Variants in ATRIP observed in about 807,000 individuals in gnomAD.
ATRIP encodes ATR interacting protein.
A neutral mutation model predicts 78.1 loss-of-function variants in ATRIP; 44 were observed. That is an observed-to-expected ratio of 0.56 (90% CI 0.44 to 0.72). ATRIP has a LOEUF of 0.72. Ranked by LOEUF, ATRIP falls within the 30% of genes least tolerant of loss-of-function variation. The probability of loss-of-function intolerance (pLI) is 0.00; values close to 1 mark genes in which losing one functional copy is unlikely to be tolerated. For missense variants in ATRIP, 927 were observed against 980.2 expected (o/e 0.95, Z 0.72); for synonymous variants, 388 against 408.9 (o/e 0.95, Z 0.62).
In ATRIP at chr3:48,463,792, C is replaced by A; in HGVS notation, c.1793C>A (p.Thr598Lys). 1 of 1,614,202 alleles carries A rather than the reference C, an allele frequency of 6.2e-7. No individual in the cohort carries two copies. Among genetic ancestry groups the A allele is most frequent in the Non-Finnish European group, 8.5e-7 (1 of 1,180,034 alleles). ...QVLPKCLSPE[T>K]PLPSVLLAVE... Reference sequence around the variant, plus strand: ...CTGCCAAAGTGCCTCAGCCCAGAGACACCCCTGCCTAGCGTGCTGCTGGCT... The same window carrying A: ...CTGCCAAAGTGCCTCAGCCCAGAGAAACCCCTGCCTAGCGTGCTGCTGGCT... The change falls in exon 9 of 13, where the codon ACA (threonine) becomes AAA (lysine). Residue 598 changes from threonine (T) to lysine (K), a missense_variant. Thr to Lys is a moderately conservative substitution (Grantham distance 78, BLOSUM62 -1). Coordinates refer to ENST00000320211, the MANE Select transcript of ATRIP (RefSeq NM_130384.3).
At position 48,463,888 on chromosome 3, in the gene ATRIP, C is replaced by T. The variant is rs2040189494; in HGVS notation, c.1882+7C>T. The T allele has an allele frequency of 6.2e-7, 1 of 1,614,010 alleles. No homozygotes were observed. Among genetic ancestry groups the T allele is most frequent in the East Asian group, 2.2e-5 (1 of 44,874 alleles). On this transcript the variant is annotated splice_region_variant and intron_variant, in intron 9 of 12. Coordinates refer to ENST00000320211, the MANE Select transcript of ATRIP (RefSeq NM_130384.3). Reference sequence around the variant, plus strand: ...CAGCTCTGTTCCCACTCAGGTAAAGCAGGGTGGGGCGGGCGTCTAGACTGC... The same window carrying T: ...CAGCTCTGTTCCCACTCAGGTAAAGTAGGGTGGGGCGGGCGTCTAGACTGC...
intron 3 of ATRIP, among the ~76,000 whole-genome samples, 199 bp from the exon 4 acceptor site, chr3:48,454,101 G>A (rs2039897324): frequency 6.6e-6 from 1 of 152,054 alleles, no homozygotes; most frequent in African/African-American, 2.4e-5. Context: ...CCTTACAATA[G>A]AGTCCAGTAT....
chr3:48,446,938 C>G lies in ATRIP; in HGVS notation c.93C>G (p.Ser31Arg), dbSNP rs545796791. The part of the protein sequence containing the change: ...GPPPGTGHPP[S>R]KRARGFSAAA... ...CGCCGGGCACCGGGCACCCCCCGAGCAAGCGGGCCCGGGGCTTCTCCGCAG... is the reference window on the plus strand; with the variant it reads ...CGCCGGGCACCGGGCACCCCCCGAGGAAGCGGGCCCGGGGCTTCTCCGCAG... Residue 31 changes from serine (S) to arginine (R), a missense_variant, in exon 1 of 13, where the codon AGC becomes AGG. Coordinates refer to ENST00000320211, the MANE Select transcript of ATRIP (RefSeq NM_130384.3). The G allele has an allele frequency of 2.6e-5, 38 of 1,472,560 alleles. No individual in the cohort carries two copies. The highest frequency in any genetic ancestry group is 9.7e-5 in the South Asian group (7 of 72,116). 91.2% of individuals were successfully genotyped at this position (1,472,560 alleles called of 1,614,324 possible). A position where few individuals can be genotyped will look rare whatever the true frequency, so the allele number is the denominator to read the frequency against.
chr3:48,465,075 A>T lies in ATRIP; in HGVS notation c.2300A>T (p.Asp767Val), dbSNP rs1300758882. The change falls in exon 12 of 13, where the codon GAC (aspartate) becomes GTC (valine). Residue 767 changes from aspartate (D) to valine (V), a missense_variant. Asp to Val is a radical substitution (Grantham distance 152). Transcript: ENST00000320211. Reference protein sequence around the residue: ...MLIRGLPDVTDCEEAALDDLC... With the variant: ...MLIRGLPDVTVCEEAALDDLC... ...ATCCGAGGGCTTCCTGATGTGACGGACTGTGAAGGTAAGCCTGCCAGAGGC... is the reference window on the plus strand; with the variant it reads ...ATCCGAGGGCTTCCTGATGTGACGGTCTGTGAAGGTAAGCCTGCCAGAGGC... The T allele has an allele frequency of 6.2e-7, 1 of 1,608,182 alleles. No individual in the cohort carries two copies. The highest frequency in any genetic ancestry group is 1.7e-5 in the Admixed American group (1 of 59,914).
chr3:48,458,467 C>T (rs1480550098), intron 5 of ATRIP, among the ~76,000 whole-genome samples: 1 of 152,070 alleles, frequency 6.6e-6, no homozygotes, highest in East Asian at 1.9e-4. Flanking sequence ...GGACTACAGG[C>T]ATGCGCCACC....
intron 1 of ATRIP, 163 bp downstream of exon 1, chr3:48,447,255 T>C (rs1269184035): frequency 2.4e-6 from 3 of 1,267,452 alleles, no homozygotes; most frequent in Non-Finnish European, 3.0e-6. Flanking sequence ...GAAGGTCCTT[T>C]GATTTTAGGG....
At chr3:48,457,509 C>T (rs1168127320) in intron 5 of ATRIP, 93 bp downstream of exon 5, 3 of 1,072,712 alleles carry the variant, frequency 2.8e-6, no homozygotes, top group African/African-American at 1.7e-5. Flanking sequence ...TTTCTGTGAT[C>T]AGCAATTCTG....
intron 8 of ATRIP, among the ~76,000 whole-genome samples, chr3:48,461,740 T>C (rs901476918): frequency 6.6e-5 from 10 of 152,152 alleles, no homozygotes; most frequent in African/African-American, 2.4e-4. Context: ...GTTTTGCTCT[T>C]GTTGTCCAAG....
intron 3 of ATRIP, among the ~76,000 whole-genome samples, chr3:48,453,226 A>AG (rs1331372250): frequency 1.3e-5 from 2 of 152,222 alleles, no homozygotes; most frequent in Non-Finnish European, 2.9e-5. Flanking sequence ...AAGGAAAAAC[A>AG]GTAGGTATCC....
intron 3 of ATRIP, among the ~76,000 whole-genome samples, chr3:48,452,870 ATTTT>A (rs71074246): frequency 0.012 from 1,381 of 117,400 alleles, 20 homozygotes; most frequent in African/African-American, 0.024. Flanking sequence ...AAATTATTGA[ATTTT>A]TTTTTTTTTT....
At chr3:48,447,961 T>C (rs1387599022) in intron 1 of ATRIP, among the ~76,000 whole-genome samples, 1 of 152,192 alleles carries the variant, frequency 6.6e-6, no homozygotes, top group African/African-American at 2.4e-5. Flanking sequence ...TTAATCCTTC[T>C]CTGGAGTCTA....
Position 48,466,687 on chromosome 3 carries a change from T to G in ATRIP, c.*1133T>G, listed in dbSNP as rs1335411387. On this transcript the variant is annotated 3_prime_UTR_variant, in exon 13 of 13. Coordinates refer to ENST00000320211, the MANE Select transcript of ATRIP (RefSeq NM_130384.3). ...TCGCAGGCCCTGCCCCCGGGGCCCA[T>G]GCAGACCCTCATCTTTTTCGACATG... The G allele has an allele frequency of 6.2e-7, 1 of 1,613,896 alleles. No individual in the cohort carries two copies. Among genetic ancestry groups the G allele is most frequent in the Non-Finnish European group, 8.5e-7 (1 of 1,179,978 alleles).
intron 4 of ATRIP, among the ~76,000 whole-genome samples, chr3:48,456,714 G>A (rs1214076902): frequency 6.6e-6 from 1 of 152,044 alleles, no homozygotes; most frequent in Admixed American, 6.6e-5. Context: ...GGTCAAGGCT[G>A]CAGTGAGCTA....
rs1310102549 is a variant in ATRIP, at chr3:48,465,539, G to A, written c.2361G>A (p.Glu787=). The A allele has an allele frequency of 1.2e-6, 2 of 1,613,910 alleles. No individual in the cohort carries two copies. The highest frequency in any genetic ancestry group is 2.2e-5 in the East Asian group (1 of 44,886). ...CAAETDVEDP[E]VECG is the part of the protein sequence containing the mutation. ...CGGAAACCGATGTGGAAGACCCCGA[G>A]GTGGAGTGTGGCTGAGGCCCTGAGT... Residue 787 remains glutamate (E), a synonymous_variant, in exon 13 of 13, where the codon GAG becomes GAA. Coordinates refer to ENST00000320211, the MANE Select transcript of ATRIP (RefSeq NM_130384.3).
chr3:48,467,416 T>G lies in ATRIP; in HGVS notation c.*1862T>G. ...TCTGCTGTCACAACCACTGCACACCTGGCCACAACCAGGAACACTAGTCCC... is the reference window on the plus strand; with the variant it reads ...TCTGCTGTCACAACCACTGCACACCGGGCCACAACCAGGAACACTAGTCCC... On this transcript the variant is annotated 3_prime_UTR_variant, in exon 13 of 13. Coordinates refer to ENST00000320211, the MANE Select transcript of ATRIP (RefSeq NM_130384.3). 1 of 1,614,170 alleles carries G rather than the reference T, an allele frequency of 6.2e-7. No homozygotes were observed. Among genetic ancestry groups the G allele is most frequent in the Non-Finnish European group, 8.5e-7 (1 of 1,180,026 alleles).
chr3:48,452,703 ACT>A (rs1348505273), intron 3 of ATRIP, among the ~76,000 whole-genome samples: 24 of 151,942 alleles, frequency 1.6e-4, no homozygotes, highest in Admixed American at 1.6e-3. Context: ...TCAAAAAAAG[ACT>A]TAGGCTCCCT....
Position 48,467,475 on chromosome 3 carries a change from C to T in ATRIP, c.*1921C>T. ...AGAGAGCAGGGGTACCAAGGATCTT[C>T]CTCCAGTGAAGGACCCTGGAGCCCT... On this transcript the variant is annotated 3_prime_UTR_variant, in exon 13 of 13. Transcript: ENST00000320211. 1 of 1,614,172 alleles carries T rather than the reference C, an allele frequency of 6.2e-7. No individual in the cohort carries two copies. Among genetic ancestry groups the T allele is most frequent in the Non-Finnish European group, 8.5e-7 (1 of 1,180,032 alleles).
At chr3:48,458,198 C>T (rs2040005316) in intron 5 of ATRIP, among the ~76,000 whole-genome samples, 1 of 151,634 alleles carries the variant, frequency 6.6e-6, no homozygotes. Context: ...CTGCCTCAGA[C>T]TCCCGAATAG....
chr3:48,461,113 G>T (rs1248370710), intron 8 of ATRIP, among the ~76,000 whole-genome samples: 1 of 152,232 alleles, frequency 6.6e-6, no homozygotes, highest in East Asian at 1.9e-4. Flanking sequence ...CTGAACCTGA[G>T]ATGTGGGTAA....
Sources: allele counts gnomAD v4.1 joint callset (sites outside exome capture counted in the v4.1 genomes callset), GRCh38; gene constraint gnomAD v4.1.1; transcripts MANE v1.5; gene names NCBI Gene and HGNC (gene_info 2026-07-23, HGNC 2026-07-21).